PLEKHG1: variants seen among roughly 807,000 people sequenced by gnomAD.
PLEKHG1 encodes pleckstrin homology and RhoGEF domain containing G1.
In PLEKHG1, 44 loss-of-function variants were observed where a neutral mutation model predicts 100.8. The observed-to-expected ratio is 0.44, with a 90% CI of 0.34 to 0.56. The LOEUF (loss-of-function observed/expected upper bound fraction) is 0.56, where lower values mean the gene tolerates loss of function less well. Ranked by LOEUF, PLEKHG1 falls within the 20% of genes least tolerant of loss-of-function variation. PLEKHG1 has a pLI of 0.01. For missense variants in PLEKHG1, 1,545 were observed against 1,720.9 expected (o/e 0.90, Z 1.81); for synonymous variants, 640 against 662.5 (o/e 0.97, Z 0.52).
chr6:150,824,133 G>C (rs1776457048), intron 14 of PLEKHG1, among the ~76,000 whole-genome samples: 1 of 152,240 alleles, frequency 6.6e-6, no homozygotes, highest in South Asian at 2.1e-4. Flanking sequence ...GCTGACGTAA[G>C]AGGTGATGGC....
intron 15 of PLEKHG1, among the ~76,000 whole-genome samples, chr6:150,834,487 A>G (rs1389045263): frequency 1.3e-5 from 2 of 152,330 alleles, no homozygotes; most frequent in African/African-American, 2.4e-5. Context: ...TCCCTGGGCC[A>G]GGTTGTTTTG....
At chr6:150,773,512 C>A (rs557253377) in intron 3 of PLEKHG1, among the ~76,000 whole-genome samples, 1 of 152,112 alleles carries the variant, frequency 6.6e-6, no homozygotes, top group Non-Finnish European at 1.5e-5. Flanking sequence ...TCAGCCTCGG[C>A]GACAAAGCGA....
intron 15 of PLEKHG1, among the ~76,000 whole-genome samples, chr6:150,836,071 A>T (rs1400819051): frequency 6.6e-6 from 1 of 152,136 alleles, no homozygotes; most frequent in African/African-American, 2.4e-5. Flanking sequence ...ATCCCTTTTT[A>T]AAAGTAGGCT....
At chr6:150,737,171 C>A (rs77997361) in intron 2 of PLEKHG1, among the ~76,000 whole-genome samples, 1,525 of 152,220 alleles carry the variant, frequency 0.01, 31 homozygotes, top group East Asian at 0.057. Context: ...CAGATCACAA[C>A]TTTATCAGAG....
chr6:150,606,250 G>A (rs1001534744), intron 1 of PLEKHG1, among the ~76,000 whole-genome samples: 1 of 152,166 alleles, frequency 6.6e-6, no homozygotes, highest in Non-Finnish European at 1.5e-5. Flanking sequence ...ATTCCTTTTG[G>A]CAGCTGTCTG....
At chr6:150,840,785 T>G in exon 16 of PLEKHG1, 1 of 1,614,152 alleles carries the variant, frequency 6.2e-7, no homozygotes. Context: ...CATATAATGA[T>G]TCTGACAAAC....
chr6:150,709,411 A>T (rs748785035), intron 3 of PLEKHG1, among the ~76,000 whole-genome samples: 3 of 152,132 alleles, frequency 2.0e-5, no homozygotes, highest in Admixed American at 6.5e-5. Context: ...TTTTGCATCA[A>T]CCTGTGGTTA....
intron 3 of PLEKHG1, among the ~76,000 whole-genome samples, chr6:150,673,869 G>T (rs999649651): frequency 6.6e-6 from 1 of 152,056 alleles, no homozygotes; most frequent in Non-Finnish European, 1.5e-5. Flanking sequence ...TTGCTATGTT[G>T]CTGCGGGCTG....
At chr6:150,691,845 CT>C (rs1780358615) in intron 3 of PLEKHG1, among the ~76,000 whole-genome samples, 1 of 152,216 alleles carries the variant, frequency 6.6e-6, no homozygotes, top group Admixed American at 6.5e-5. Context: ...CAAATATTTA[CT>C]GAGGACTTGG....
At chr6:150,812,983 G>T (rs981479340) in intron 10 of PLEKHG1, among the ~76,000 whole-genome samples, 3 of 152,104 alleles carry the variant, frequency 2.0e-5, no homozygotes, top group Non-Finnish European at 4.4e-5. Flanking sequence ...GAGAGCAGGG[G>T]TGTCTGAGGG....
intron 3 of PLEKHG1, among the ~76,000 whole-genome samples, chr6:150,659,973 A>G (rs1322745129): frequency 6.6e-6 from 1 of 152,214 alleles, no homozygotes; most frequent in Non-Finnish European, 1.5e-5. Context: ...ACACGCATTC[A>G]TAAGAAATCA....
intron 2 of PLEKHG1, among the ~76,000 whole-genome samples, chr6:150,757,873 G>T (rs924198671): frequency 1.3e-5 from 2 of 151,978 alleles, no homozygotes; most frequent in Non-Finnish European, 2.9e-5. Flanking sequence ...CTCCCAACAG[G>T]CCCCAGTGTG....
chr6:150,736,548 C>G (rs139330697), intron 2 of PLEKHG1, among the ~76,000 whole-genome samples: 4,667 of 152,248 alleles, frequency 0.031, 90 homozygotes, highest in African/African-American at 0.055. Context: ...GCGGGCGGAT[C>G]ACCTGAGGTC....
At chr6:150,646,080 C>T (rs533498518) in intron 2 of PLEKHG1, among the ~76,000 whole-genome samples, 3 of 152,286 alleles carry the variant, frequency 2.0e-5, no homozygotes, top group East Asian at 1.9e-4. Context: ...CAAAATGACA[C>T]GGGTATATCT....
intron 3 of PLEKHG1, among the ~76,000 whole-genome samples, chr6:150,780,223 C>T (rs904935909): frequency 6.6e-6 from 1 of 151,122 alleles, no homozygotes; most frequent in Non-Finnish European, 1.5e-5. Context: ...GCAACCTCCA[C>T]CTCATGGGTT....
intron 3 of PLEKHG1, among the ~76,000 whole-genome samples, chr6:150,660,826 A>G (rs1025704230): frequency 6.6e-6 from 1 of 152,246 alleles, no homozygotes; most frequent in African/African-American, 2.4e-5. Flanking sequence ...GCATTTGCAC[A>G]AAGTCTATTT....
chr6:150,633,865 C>T (rs1253105157), intron 1 of PLEKHG1, among the ~76,000 whole-genome samples: 3 of 151,988 alleles, frequency 2.0e-5, no homozygotes, highest in Non-Finnish European at 2.9e-5. Flanking sequence ...AGTGAATGGC[C>T]GAGATGGAGA....
chr6:150,603,542 G>A (rs1051339842), intron 1 of PLEKHG1, among the ~76,000 whole-genome samples: 3 of 152,154 alleles, frequency 2.0e-5, no homozygotes, highest in Non-Finnish European at 2.9e-5. Flanking sequence ...GGGCCATAGC[G>A]TATCTAATGC....
intron 3 of PLEKHG1, among the ~76,000 whole-genome samples, chr6:150,695,284 T>C (rs1398118481): frequency 6.6e-6 from 1 of 152,216 alleles, no homozygotes; most frequent in Non-Finnish European, 1.5e-5. Context: ...ATTTTTCATA[T>C]TTGGTAATTT....
Sources: allele counts gnomAD v4.1 joint callset (sites outside exome capture counted in the v4.1 genomes callset), GRCh38; gene constraint gnomAD v4.1.1; transcripts MANE v1.5; gene names NCBI Gene and HGNC (gene_info 2026-07-23, HGNC 2026-07-21).